Variants in CWH43 observed in about 807,000 individuals in gnomAD.
CWH43 encodes the protein cell wall biogenesis 43 C-terminal homolog, also known as PGAP2-interacting protein.
A neutral mutation model predicts 85.7 loss-of-function variants in CWH43; 91 were observed. The observed-to-expected ratio is 1.06, with a 90% CI of 0.90 to 1.26. The LOEUF is 1.26. Ranked by LOEUF, CWH43 falls within the 50% of genes most tolerant of loss-of-function variation. The probability of loss-of-function intolerance (pLI) is 0.00; values close to 1 mark genes in which losing one functional copy is unlikely to be tolerated. For synonymous variants in CWH43, 323 were observed against 293.6 expected (o/e 1.10, Z -1.02); for missense variants, 869 against 839.2 (o/e 1.04, Z -0.44).
intron 8 of CWH43, among the ~76,000 whole-genome samples, chr4:49,010,164 G>T (rs908417536): frequency 6.6e-6 from 1 of 152,074 alleles, no homozygotes; most frequent in Non-Finnish European, 1.5e-5. Flanking sequence ...GCTTGTTGTT[G>T]GTCTATTCAG....
intron 8 of CWH43, among the ~76,000 whole-genome samples, chr4:49,008,210 C>A (rs1350200781): frequency 6.6e-6 from 1 of 152,170 alleles, no homozygotes; most frequent in African/African-American, 2.4e-5. Flanking sequence ...ATTTGCATTT[C>A]TCTGATGCCC....
chr4:49,032,193 C>G (rs942095814), intron 11 of CWH43, among the ~76,000 whole-genome samples: 5 of 152,166 alleles, frequency 3.3e-5, no homozygotes, highest in African/African-American at 9.7e-5. Flanking sequence ...GTTGTTACTC[C>G]ATGTTCTAGC....
rs146230326 is a variant in CWH43 at position 48,998,582 on chromosome 4, T to G, written c.802+34T>G. ...AATTTACCTGCAGATAGAACACGAC[T>G]GAGCTTGGTTATCCAGTTTGTTTGC... On this transcript the variant is annotated intron_variant, in intron 6 of 15. Transcript: ENST00000226432. The G allele has an allele frequency of 1.1e-5, 16 of 1,466,112 alleles. No homozygotes were observed. The Admixed American group carries it at 2.3e-4, about 21-fold the overall frequency. The allele number at this position is 1,466,112 out of a possible 1,614,324, so 90.8% of individuals were successfully genotyped here.
At chr4:49,033,358 C>G (rs1784161952) in intron 12 of CWH43, among the ~76,000 whole-genome samples, 1 of 152,046 alleles carries the variant, frequency 6.6e-6, no homozygotes, top group Admixed American at 6.6e-5. Flanking sequence ...GGCTTAAGTG[C>G]CCATATGGAC....
chr4:48,994,457 A>G (rs1483688209), intron 4 of CWH43, among the ~76,000 whole-genome samples, 162 bp from the exon 5 acceptor site: 1 of 152,240 alleles, frequency 6.6e-6, no homozygotes, highest in Non-Finnish European at 1.5e-5. Context: ...AATAGCTGTC[A>G]GCATGTTTAG....
At chr4:49,056,475 CACTT>C (rs1784967924) in intron 15 of CWH43, among the ~76,000 whole-genome samples, 1 of 152,050 alleles carries the variant, frequency 6.6e-6, no homozygotes, top group Non-Finnish European at 1.5e-5. Context: ...TCATAGTAGT[CACTT>C]ATGATTATTT....
chr4:49,007,624 C>T (rs1053079910), intron 8 of CWH43, among the ~76,000 whole-genome samples: 5 of 152,028 alleles, frequency 3.3e-5, no homozygotes, highest in Non-Finnish European at 5.9e-5. Flanking sequence ...ATCCCTCCCC[C>T]CTCACCCCAC....
At chr4:49,013,319 T>C (rs1049998473) in intron 8 of CWH43, among the ~76,000 whole-genome samples, 59 of 152,258 alleles carry the variant, frequency 3.9e-4, no homozygotes, top group African/African-American at 1.4e-3. Context: ...TGGTATCTCC[T>C]GTTCTGCCGG....
chr4:49,010,879 G>A (rs187255089), intron 8 of CWH43, among the ~76,000 whole-genome samples: 11 of 152,260 alleles, frequency 7.2e-5, no homozygotes, highest in African/African-American at 2.6e-4. Flanking sequence ...GTTTGCTGAG[G>A]AGTGCTTTAC....
intron 9 of CWH43, among the ~76,000 whole-genome samples, chr4:49,020,593 C>T (rs761092287): frequency 6.6e-6 from 1 of 152,098 alleles, no homozygotes; most frequent in Non-Finnish European, 1.5e-5. Context: ...ATTGCTGGAT[C>T]AAATTGTAGA....
At position 49,061,820 on chromosome 4, in the gene CWH43, C is replaced by G. The variant is rs1346772230; in HGVS notation, c.2030C>G (p.Ser677Cys). 1.4e-6 allele frequency: 2 copies of G among 1,386,142 alleles called. No individual in the cohort carries two copies. The highest frequency in any genetic ancestry group is 3.0e-5 in the African/African-American group (2 of 67,486). The allele number at this position is 1,386,142 out of a possible 1,614,324, so 85.9% of individuals were successfully genotyped here. A position where few individuals can be genotyped will look rare whatever the true frequency, so the allele number is the denominator to read the frequency against. The change falls in exon 16 of 16, where the codon TCC becomes TGC. Residue 677 changes from serine (S) to cysteine (C), a missense_variant. This residue lies in a region of CWH43 where 577 missense variants were observed against 513.1 expected (regional missense o/e 1.12). Coordinates refer to ENST00000226432, the MANE Select transcript of CWH43 (RefSeq NM_025087.3). ...ATTTTTTATTTTTTTAGATTTGGAT[C>G]CTACAAAGAAGGACACAATTATGAA... Reference protein sequence around the residue: ...EKIHFNPRFGSYKEGHNYENN... With the variant: ...EKIHFNPRFGCYKEGHNYENN...
intron 12 of CWH43, among the ~76,000 whole-genome samples, chr4:49,035,640 A>T (rs943865420): frequency 4.6e-5 from 7 of 152,180 alleles, no homozygotes; most frequent in African/African-American, 1.7e-4. Flanking sequence ...CCAACAAAAT[A>T]TTAACAGATA....
intron 9 of CWH43, among the ~76,000 whole-genome samples, chr4:49,022,054 G>T (rs1474176079): frequency 1.3e-5 from 2 of 151,830 alleles, no homozygotes; most frequent in Non-Finnish European, 2.9e-5. Context: ...TTTTTCTCTT[G>T]TTCAATGTGC....
At chr4:49,033,622 AAAG>A in intron 12 of CWH43, among the ~76,000 whole-genome samples, 1 of 152,296 alleles carries the variant, frequency 6.6e-6, no homozygotes, top group South Asian at 2.1e-4. Flanking sequence ...ATGGTTTTCT[AAAG>A]AAGTCCCTCT....
At chr4:49,046,364 C>T (rs981356025) in intron 14 of CWH43, among the ~76,000 whole-genome samples, 4 of 151,652 alleles carry the variant, frequency 2.6e-5, no homozygotes, top group African/African-American at 7.3e-5. Context: ...TTTACTAAAT[C>T]CTCTTTATGT....
At chr4:48,996,145 G>A (rs1782805509) in intron 5 of CWH43, among the ~76,000 whole-genome samples, 1 of 152,058 alleles carries the variant, frequency 6.6e-6, no homozygotes, top group Non-Finnish European at 1.5e-5. Context: ...TTGCTTTTCT[G>A]CCTTGATGTC....
At chr4:48,986,546 C>A in intron 1 of CWH43, 74 bp downstream of exon 1, 1 of 1,543,216 alleles carries the variant, frequency 6.5e-7, no homozygotes, top group Non-Finnish European at 8.7e-7. Context: ...TGGAGCCAGG[C>A]CAGGTTGGCT....
In CWH43 at chr4:49,041,330, T is replaced by G. The variant is rs188913541; in HGVS notation, c.1803+3150T>G. On this transcript the variant is annotated intron_variant, in intron 13 of 15. Transcript: ENST00000226432. ...ATGACATTGAATGTATAAATTACCTTGGGCAGTGTGGCCATTTTCACGATA... is the reference window on the plus strand; with the variant it reads ...ATGACATTGAATGTATAAATTACCTGGGGCAGTGTGGCCATTTTCACGATA... Among the ~76,000 whole-genome samples, 932 of 152,332 alleles carry G rather than the reference T, an allele frequency of 6.1e-3. 9 individuals are homozygous for G. The highest frequency in any genetic ancestry group is 8.8e-3 in the Non-Finnish European group (601 of 68,032).
In CWH43 at chr4:48,994,713, T is replaced by C; in HGVS notation, c.606T>C (p.Phe202=). Residue 202 remains phenylalanine, a synonymous_variant, in exon 5 of 16, where the codon TTT becomes TTC. Transcript: ENST00000226432. ...RPNWLLAGAA[F]GSLVFLTHWV... Reference sequence around the variant, plus strand: ...ACTGGCTGCTGGCAGGGGCTGCTTTTGGTAGCCTTGTGTTCCTCACCCACT... The same window carrying C: ...ACTGGCTGCTGGCAGGGGCTGCTTTCGGTAGCCTTGTGTTCCTCACCCACT... 1 of 1,614,214 alleles carries C rather than the reference T, an allele frequency of 6.2e-7. No individual in the cohort carries two copies. Among genetic ancestry groups the C allele is most frequent in the Middle Eastern group, 1.6e-4 (1 of 6,062 alleles).
Sources: allele counts gnomAD v4.1 joint callset (sites outside exome capture counted in the v4.1 genomes callset), GRCh38; gene constraint gnomAD v4.1.1; regional missense constraint gnomAD v4.1.1; transcripts MANE v1.5; gene names NCBI Gene and HGNC (gene_info 2026-07-23, HGNC 2026-07-21).